The following KCNK9 variants were observed in gnomAD, a reference collection of about 807,000 sequenced individuals.
The protein encoded by KCNK9 is potassium channel subfamily K member 9.
Under a neutral mutation model 10.8 loss-of-function variants are expected in KCNK9, and 1 was observed. That is an observed-to-expected ratio of 0.09 (90% CI 0.03 to 0.44). The LOEUF is 0.44. Ranked by LOEUF, KCNK9 falls within the 20% of genes least tolerant of loss-of-function variation. The pLI is 0.97. For synonymous variants in KCNK9, 231 were observed against 222.7 expected (o/e 1.04, Z -0.33); for missense variants, 303 against 515.0 (o/e 0.59, Z 3.98).
In KCNK9 at chr8:139,634,953, C is replaced by T. The variant is rs909739325; in HGVS notation, c.284-15854G>A. ...GAGCGGGCGGGGGCAGCCACCTCCA[C>T]AGCTGTGGTGCGAGGCGTCTAGGGC... On this transcript the variant is annotated intron_variant, in intron 1 of 1. Transcript: ENST00000520439. 1.3e-4 allele frequency among the ~76,000 whole-genome samples: 20 copies of T among 152,240 alleles called. No homozygotes were observed. In the East Asian group the frequency reaches 3.5e-3, roughly 27 times the overall value.
At chr8:139,603,327 G>A (rs1817414089) in intron 2 of KCNK9, among the ~76,000 whole-genome samples, 1 of 152,170 alleles carries the variant, frequency 6.6e-6, no homozygotes. Context: ...GAGAGGGGAA[G>A]GCGCTGTTGT....
chr8:139,676,912 A>T (rs1236455676), intron 1 of KCNK9, among the ~76,000 whole-genome samples: 1 of 152,204 alleles, frequency 6.6e-6, no homozygotes, highest in Non-Finnish European at 1.5e-5. Flanking sequence ...AGATTGTGCC[A>T]CTACACTCCA....
chr8:139,631,103 G>A (rs908840339), intron 1 of KCNK9, among the ~76,000 whole-genome samples: 3 of 152,228 alleles, frequency 2.0e-5, no homozygotes, highest in African/African-American at 7.2e-5. Flanking sequence ...GGGGTCGGCC[G>A]CCCACGTTTT....
intron 1 of KCNK9, 59 bp from the exon 2 acceptor site, chr8:139,619,158 G>C: frequency 1.3e-6 from 2 of 1,597,472 alleles, no homozygotes; most frequent in Non-Finnish European, 1.7e-6. Context: ...TAGAGGTTGG[G>C]GGAAGGGAGG....
chr8:139,685,053 G>A (rs1816761186), intron 1 of KCNK9, among the ~76,000 whole-genome samples: 2 of 152,168 alleles, frequency 1.3e-5, no homozygotes, highest in Non-Finnish European at 2.9e-5. Context: ...AAAAGGATTT[G>A]AGTAACATAA....
chr8:139,659,280 T>A (rs1457956474), intron 1 of KCNK9, among the ~76,000 whole-genome samples: 5 of 152,188 alleles, frequency 3.3e-5, no homozygotes, highest in African/African-American at 1.2e-4. Context: ...ACCCAAGGCT[T>A]TCCCTATGCA....
At chr8:139,682,551 G>A (rs1047579548) in intron 1 of KCNK9, among the ~76,000 whole-genome samples, 4 of 152,216 alleles carry the variant, frequency 2.6e-5, no homozygotes, top group Non-Finnish European at 5.9e-5. Flanking sequence ...GACTCAGTCT[G>A]CATGGGACAG....
chr8:139,628,816 A>C (rs1049341255), intron 1 of KCNK9, among the ~76,000 whole-genome samples: 3 of 152,186 alleles, frequency 2.0e-5, no homozygotes, highest in Admixed American at 2.0e-4. Context: ...AACATTCACG[A>C]AGGCCTTTCT....
chr8:139,693,289 C>A lies in KCNK9; in HGVS notation c.283+9421G>T, dbSNP rs1264895170. Among the ~76,000 whole-genome samples, 1 of 152,140 alleles carries A rather than the reference C, an allele frequency of 6.6e-6. No individual in the cohort carries two copies. ...TGGCGCCAGCAGCTGGCCTTGGGGACCAAGATCACACATCTAAGCCTCAGG... is the reference window on the plus strand; with the variant it reads ...TGGCGCCAGCAGCTGGCCTTGGGGAACAAGATCACACATCTAAGCCTCAGG... On this transcript the variant is annotated intron_variant, in intron 1 of 1. Transcript: ENST00000520439. This position sits in a 1 kb window ranked among gnomAD's most constrained non-coding sequence, Gnocchi z 4.1.
At chr8:139,687,291 G>A (rs1282411778) in intron 1 of KCNK9, among the ~76,000 whole-genome samples, 1 of 149,404 alleles carries the variant, frequency 6.7e-6, no homozygotes, top group Non-Finnish European at 1.5e-5. Flanking sequence ...CTACTTCTAT[G>A]CTACATTTTG....
chr8:139,623,082 A>G (rs1483809131), intron 1 of KCNK9, among the ~76,000 whole-genome samples: 4 of 152,220 alleles, frequency 2.6e-5, no homozygotes, highest in African/African-American at 7.2e-5. Context: ...TGCAGACTGC[A>G]CGTTTTAGTA....
chr8:139,657,102 G>C lies in KCNK9; in HGVS notation c.284-38003C>G, dbSNP rs1036871109. Reference sequence around the variant, plus strand: ...GGCTGAATCCAACTCTTCTTTTGAGGCTCAGCTCCAAGCTTGCTGCCCTCA... The same window carrying C: ...GGCTGAATCCAACTCTTCTTTTGAGCCTCAGCTCCAAGCTTGCTGCCCTCA... On this transcript the variant is annotated intron_variant, in intron 1 of 1. Coordinates refer to ENST00000520439, the MANE Select transcript of KCNK9 (RefSeq NM_001282534.2). Among the ~76,000 whole-genome samples the C allele has an allele frequency of 5.3e-5, 8 of 152,152 alleles. No homozygotes were observed. The East Asian group carries it at 1.5e-3, about 29-fold the overall frequency.
At chr8:139,661,068 C>T (rs978400537) in intron 1 of KCNK9, among the ~76,000 whole-genome samples, 1 of 152,238 alleles carries the variant, frequency 6.6e-6, no homozygotes, top group African/African-American at 2.4e-5. Context: ...AGGCCTCAAA[C>T]CCAGCGGGGC....
At chr8:139,688,665 C>T (rs926246616) in intron 1 of KCNK9, among the ~76,000 whole-genome samples, 3 of 152,224 alleles carry the variant, frequency 2.0e-5, no homozygotes, top group African/African-American at 4.8e-5. Flanking sequence ...GTCCACTTGA[C>T]CATGGCAGGC....
At chr8:139,606,558 C>A (rs1450120721) in intron 2 of KCNK9, among the ~76,000 whole-genome samples, 3 of 152,168 alleles carry the variant, frequency 2.0e-5, no homozygotes, top group Non-Finnish European at 4.4e-5. Flanking sequence ...AGCTTAATTT[C>A]TTCTATGCCT....
At chr8:139,609,898 G>A (rs1031253224), downstream of KCNK9, among the ~76,000 whole-genome samples, 1 of 152,172 alleles carries the variant, frequency 6.6e-6, no homozygotes, top group African/African-American at 2.4e-5. Flanking sequence ...GGCCTTGGTA[G>A]CTTGGCCAGA....
chr8:139,619,789 T>C (rs78960410), intron 1 of KCNK9, among the ~76,000 whole-genome samples: 13,814 of 152,268 alleles, frequency 0.091, 663 homozygotes, highest in Middle Eastern at 0.13. Flanking sequence ...AGAGAGGCAA[T>C]TGTAGAGTGA....
intron 1 of KCNK9, among the ~76,000 whole-genome samples, chr8:139,688,635 A>G (rs1190004691): frequency 6.6e-6 from 1 of 152,198 alleles, no homozygotes; most frequent in African/African-American, 2.4e-5. Flanking sequence ...AAACCATATC[A>G]ATGACCGATC....
At chr8:139,643,158 C>T (rs1333428067) in intron 1 of KCNK9, among the ~76,000 whole-genome samples, 2 of 152,206 alleles carry the variant, frequency 1.3e-5, no homozygotes, top group Non-Finnish European at 2.9e-5. Context: ...TCCCCTGTTC[C>T]ATTCCCATCA....
Sources: gnomAD v4.1 joint callset for allele counts (sites outside exome capture counted in the v4.1 genomes callset) on GRCh38, gnomAD v4.1.1 for gene constraint, Gnocchi (gnomAD v3.1) non-coding constraint, MANE v1.5 for transcripts, NCBI Gene and HGNC (gene_info 2026-07-23, HGNC 2026-07-21) for gene names.